The following ANKRD33B variants were observed in gnomAD, a reference collection of about 807,000 sequenced individuals.
The protein encoded by ANKRD33B is ankyrin repeat domain 33B.
A neutral mutation model predicts 21.5 loss-of-function variants in ANKRD33B; 6 were observed. The observed-to-expected ratio is 0.28, with a 90% confidence interval of 0.15 to 0.55. ANKRD33B has a LOEUF of 0.55. Ranked by LOEUF, ANKRD33B falls within the 20% of genes least tolerant of loss-of-function variation. The pLI is 0.94. For missense variants in ANKRD33B, 698 were observed against 747.2 expected, an observed-to-expected ratio of 0.93 and a Z score of 0.77; for synonymous variants, 347 against 342.4, an observed-to-expected ratio of 1.01 and a Z score of -0.15.
intron 1 of ANKRD33B, among the ~76,000 whole-genome samples, chr5:10,599,403 A>AGT (rs1422332989): frequency 1.3e-5 from 2 of 152,176 alleles, no homozygotes; most frequent in Non-Finnish European, 2.9e-5. Context: ...TGTACAGTTC[A>AGT]GTGGCATTTG....
intron 2 of ANKRD33B, among the ~76,000 whole-genome samples, chr5:10,625,650 G>A (rs1183174156): frequency 2.0e-5 from 3 of 152,178 alleles, no homozygotes. Flanking sequence ...TGGTGGACCC[G>A]GCTCTTAGGC....
chr5:10,620,444 G>C (rs1736395971), intron 2 of ANKRD33B, among the ~76,000 whole-genome samples: 1 of 152,132 alleles, frequency 6.6e-6, no homozygotes, highest in African/African-American at 2.4e-5. Context: ...TCCAAAATCT[G>C]GTCCCTGCTA....
chr5:10,647,388 T>C (rs924068897), intron 3 of ANKRD33B, among the ~76,000 whole-genome samples: 1 of 152,096 alleles, frequency 6.6e-6, no homozygotes, highest in Non-Finnish European at 1.5e-5. Flanking sequence ...GGATTACAGG[T>C]GTGAGCCACT....
chr5:10,618,849 G>T (rs1190292309), intron 2 of ANKRD33B, among the ~76,000 whole-genome samples: 4 of 152,152 alleles, frequency 2.6e-5, no homozygotes, highest in African/African-American at 4.8e-5. Flanking sequence ...CATGAAAGTA[G>T]ACACGTGTAG....
At chr5:10,627,783 CG>C (rs1443736870) in intron 2 of ANKRD33B, 1 of 152,220 alleles carries the variant, frequency 6.6e-6, no homozygotes, top group Non-Finnish European at 1.5e-5. Context: ...TGGTGAGTCT[CG>C]GTTTCCCAGC....
chr5:10,614,297 A>G (rs1736237548), intron 1 of ANKRD33B, among the ~76,000 whole-genome samples: 1 of 152,222 alleles, frequency 6.6e-6, no homozygotes, highest in African/African-American at 2.4e-5. Flanking sequence ...TTTAAATATC[A>G]GTCTCATTTA....
chr5:10,649,240 T>C, intron 3 of ANKRD33B, 26 bp from the exon 4 acceptor site: 1 of 1,501,876 alleles, frequency 6.7e-7, no homozygotes, highest in Non-Finnish European at 8.9e-7. Flanking sequence ...CGCCACCCAC[T>C]TCTGTTTGTG....
At chr5:10,606,443 A>G (rs1471710880) in intron 1 of ANKRD33B, among the ~76,000 whole-genome samples, 1 of 152,164 alleles carries the variant, frequency 6.6e-6, no homozygotes, top group African/African-American at 2.4e-5. Flanking sequence ...ATAGATAAAA[A>G]TACAAATATT....
At chr5:10,646,294 T>G (rs1737187788) in intron 3 of ANKRD33B, among the ~76,000 whole-genome samples, 1 of 152,220 alleles carries the variant, frequency 6.6e-6, no homozygotes, top group African/African-American at 2.4e-5. Flanking sequence ...ACAGTGGCAT[T>G]TCAGAAATCC....
Position 10,653,590 on chromosome 5 carries a change from T to C in ANKRD33B, c.*3477T>C, listed in dbSNP as rs558465143. 2.2e-3 allele frequency: 335 copies of C among 152,418 alleles called. 2 individuals carry two copies. The highest frequency in any genetic ancestry group is 3.7e-3 in the Non-Finnish European group (254 of 68,120). 9.4% of individuals were successfully genotyped at this position (152,418 alleles called of 1,614,324 possible). A position where few individuals can be genotyped will look rare whatever the true frequency, so the allele number is the denominator to read the frequency against. ...CATGGGAGGTGTGGTCATCTGGTCG[T>C]AGAGGTGGACAGAAACACCCCCTCG... On this transcript the variant is annotated 3_prime_UTR_variant, in exon 4 of 4. Transcript: ENST00000296657.
intron 1 of ANKRD33B, among the ~76,000 whole-genome samples, chr5:10,589,965 A>G (rs952995464): frequency 1.7e-4 from 24 of 144,978 alleles, no homozygotes; most frequent in African/African-American, 5.8e-4. Context: ...TTTTTTTTTA[A>G]TTTTCTGGGC....
chr5:10,588,711 G>A (rs1037109861), intron 1 of ANKRD33B, among the ~76,000 whole-genome samples: 8 of 152,144 alleles, frequency 5.3e-5, no homozygotes, highest in African/African-American at 1.9e-4. Flanking sequence ...AATTTTCCAG[G>A]TAGAGTTTTC....
rs193103759 is a variant in ANKRD33B, at chr5:10,640,451, C to G, written c.637+2283C>G. Among the ~76,000 whole-genome samples, 262 of 152,332 alleles carry G rather than the reference C, an allele frequency of 1.7e-3. 2 individuals carry two copies. Among genetic ancestry groups the G allele is most frequent in the African/African-American group, 5.6e-3 (234 of 41,580 alleles). The stretch of plus-strand genomic sequence containing the variant: ...CAATGAGCTACTAAGCTAAATGCCA[C>G]ACAACTAATAGCTTTAACTCTTTTC... On this transcript the variant is annotated intron_variant, in intron 3 of 3. Coordinates refer to ENST00000296657, the MANE Select transcript of ANKRD33B (RefSeq NM_001164440.2).
intron 2 of ANKRD33B, among the ~76,000 whole-genome samples, chr5:10,624,233 G>A (rs936880833): frequency 6.7e-6 from 1 of 150,198 alleles, no homozygotes; most frequent in Non-Finnish European, 1.5e-5. Context: ...AGGTTCAAGC[G>A]ATTCTCTTGC....
rs561470479 is a variant in ANKRD33B at position 10,633,970 on chromosome 5, G to A, written c.497-4058G>A. Among the ~76,000 whole-genome samples, 521 of 152,288 alleles carry A rather than the reference G, an allele frequency of 3.4e-3. 2 individuals are homozygous for A. The highest frequency in any genetic ancestry group is 0.012 in the African/African-American group (496 of 41,542). ...CACAGGAAGTCAGTGCACGCAGCCC[G>A]CGGGTTAAGGAGGGGGGAACACGTT... On this transcript the variant is annotated intron_variant, in intron 2 of 3. Transcript: ENST00000296657.
intron 2 of ANKRD33B, among the ~76,000 whole-genome samples, chr5:10,629,791 A>G (rs1736663259): frequency 6.6e-6 from 1 of 152,182 alleles, no homozygotes. Flanking sequence ...GCGGAAAATC[A>G]GAAGGGTGAG....
At chr5:10,637,993 T>C in intron 2 of ANKRD33B, 35 bp from the exon 3 acceptor site, 1 of 1,529,718 alleles carries the variant, frequency 6.5e-7, no homozygotes, top group Non-Finnish European at 8.8e-7. Flanking sequence ...TTTGTGGAAG[T>C]GGGAACCAAT....
chr5:10,570,511 G>A (rs1310903167), intron 1 of ANKRD33B, among the ~76,000 whole-genome samples: 3 of 152,164 alleles, frequency 2.0e-5, no homozygotes, highest in African/African-American at 7.2e-5. Context: ...GCTTCAGCTT[G>A]GCTGAAGCAT....
chr5:10,647,722 C>T (rs1031471130), intron 3 of ANKRD33B, among the ~76,000 whole-genome samples: 5 of 152,056 alleles, frequency 3.3e-5, no homozygotes, highest in Non-Finnish European at 5.9e-5. Flanking sequence ...GCGGTAGGCT[C>T]GAAGGCTGGA....
Sources: gnomAD v4.1 joint callset for allele counts (sites outside exome capture counted in the v4.1 genomes callset) on GRCh38, gnomAD v4.1.1 for gene constraint, MANE v1.5 for transcripts, NCBI Gene and HGNC (gene_info 2026-07-23, HGNC 2026-07-21) for gene names.